Variants in KAZN observed in about 807,000 individuals in gnomAD.
KAZN encodes the protein kazrin, periplakin interacting protein.
Under a neutral mutation model 87.4 loss-of-function variants are expected in KAZN, and 40 were observed. The ratio of observed to expected loss-of-function variants is 0.46; its 90% CI spans 0.36 to 0.60. The LOEUF (loss-of-function observed/expected upper bound fraction) is 0.60, where lower values mean the gene tolerates loss of function less well. Ranked by LOEUF, KAZN falls within the 20% of genes least tolerant of loss-of-function variation. The pLI is 0.00. For missense variants in KAZN, 898 were observed against 1,073.9 expected (o/e 0.84, Z 2.29); for synonymous variants, 466 against 458.3 (o/e 1.02, Z -0.22).
intron 1 of KAZN, among the ~76,000 whole-genome samples, chr1:13,990,638 A>AG (rs1173486041): frequency 6.6e-6 from 1 of 152,218 alleles, no homozygotes; most frequent in Admixed American, 6.5e-5. Context: ...TAAAACTCAT[A>AG]GGATGATACA....
chr1:14,570,380 T>C (rs1251708361), intron 2 of KAZN, among the ~76,000 whole-genome samples: 1 of 152,190 alleles, frequency 6.6e-6, no homozygotes, highest in Non-Finnish European at 1.5e-5. Context: ...CTTGTACCTT[T>C]TTACCCTCCT....
In KAZN at chr1:14,255,146, AG is replaced by A. The variant is rs200160255; in HGVS notation, c.249+74555del. On this transcript the variant is annotated intron_variant, in intron 2 of 16. Transcript: ENST00000636203. ...AAAAAAAAAAAAAAAAAAAAGAAGA[AG>A]AAGAAGAAGAAAGGGGAGAAGAGGA... Among the ~76,000 whole-genome samples, 427 of 150,756 alleles carry A rather than the reference AG, an allele frequency of 2.8e-3. 1 individual carries two copies. Among genetic ancestry groups the A allele is most frequent in the African/African-American group, 9.7e-3 (400 of 41,086 alleles).
intron 1 of KAZN, among the ~76,000 whole-genome samples, chr1:14,108,888 A>G (rs1644437615): frequency 6.6e-6 from 1 of 152,080 alleles, no homozygotes; most frequent in Non-Finnish European, 1.5e-5. Flanking sequence ...GCCAACCCCA[A>G]CATATTTCTA....
chr1:14,499,700 C>T (rs1369248055), intron 2 of KAZN, among the ~76,000 whole-genome samples: 1 of 152,202 alleles, frequency 6.6e-6, no homozygotes, highest in Non-Finnish European at 1.5e-5. Context: ...TGATGAGTTA[C>T]ATTTTTATTT....
At chr1:14,699,226 T>A (rs1032962972) in intron 1 of KAZN, among the ~76,000 whole-genome samples, 2 of 152,230 alleles carry the variant, frequency 1.3e-5, no homozygotes, top group Non-Finnish European at 2.9e-5. Context: ...GTTGATAAAC[T>A]GAAAAGTCAG....
chr1:14,684,097 C>G (rs718996), intron 1 of KAZN, among the ~76,000 whole-genome samples: 75,328 of 151,968 alleles, frequency 0.5, 18,849 homozygotes, highest in South Asian at 0.61. Flanking sequence ...AGGTACCAAG[C>G]TAAGCCCTGG....
intron 2 of KAZN, among the ~76,000 whole-genome samples, chr1:14,286,433 G>C (rs1361654662): frequency 6.6e-6 from 1 of 152,186 alleles, no homozygotes; most frequent in Non-Finnish European, 1.5e-5. Flanking sequence ...GACAAGCCAG[G>C]CAAGAGGTCA....
chr1:14,438,521 C>G (rs1666528767), intron 2 of KAZN, among the ~76,000 whole-genome samples: 2 of 152,142 alleles, frequency 1.3e-5, no homozygotes, highest in Admixed American at 1.3e-4. Context: ...TTCTAGACAT[C>G]AAGACACAGG....
At chr1:14,022,597 G>A (rs1033357780) in intron 1 of KAZN, among the ~76,000 whole-genome samples, 1 of 150,304 alleles carries the variant, frequency 6.7e-6, no homozygotes, top group Non-Finnish European at 1.5e-5. Flanking sequence ...CTATAATATT[G>A]TTTTTGTATT....
chr1:14,713,775 CAAAAA>C (rs58947119), intron 1 of KAZN, among the ~76,000 whole-genome samples: 15 of 94,602 alleles, frequency 1.6e-4, no homozygotes, highest in African/African-American at 4.2e-4. Flanking sequence ...CTCATCTCTA[CAAAAA>C]AAAAAAAAAA....
chr1:14,756,332 C>A (rs572887712), intron 1 of KAZN, among the ~76,000 whole-genome samples: 40 of 152,196 alleles, frequency 2.6e-4, no homozygotes, highest in Non-Finnish European at 5.0e-4. Flanking sequence ...TACTCTGAGA[C>A]AAGCACGCCC....
At chr1:15,018,555 A>G (rs1670353088) in intron 2 of KAZN, among the ~76,000 whole-genome samples, 1 of 151,404 alleles carries the variant, frequency 6.6e-6, no homozygotes. Flanking sequence ...GATCACAAAA[A>G]TTGAAAATAA....
chr1:14,858,229 T>TTTTTTTTTTTTTTTA (rs1352802605), intron 1 of KAZN, among the ~76,000 whole-genome samples: 1 of 146,536 alleles, frequency 6.8e-6, no homozygotes, highest in African/African-American at 2.6e-5. Context: ...TTTTTTTTTT[T>TTTTTTTTTTTTTTTA]TGAGACAAAG....
intron 2 of KAZN, among the ~76,000 whole-genome samples, chr1:14,321,665 A>G (rs771497398): frequency 1.3e-5 from 2 of 152,174 alleles, no homozygotes; most frequent in Non-Finnish European, 1.5e-5. Flanking sequence ...TTCATTTCCT[A>G]TTACCATTGA....
intron 2 of KAZN, among the ~76,000 whole-genome samples, chr1:14,558,885 G>A (rs779869369): frequency 3.9e-4 from 60 of 152,140 alleles, no homozygotes; most frequent in African/African-American, 5.1e-4. Context: ...AAAGGCATCC[G>A]CAGTCTCATG....
At chr1:15,085,363 T>C (rs1640201850) in intron 8 of KAZN, among the ~76,000 whole-genome samples, 1 of 152,250 alleles carries the variant, frequency 6.6e-6, no homozygotes. Flanking sequence ...AGTTTCACTC[T>C]GTCACCCAGG....
intron 1 of KAZN, among the ~76,000 whole-genome samples, chr1:13,998,156 T>C (rs2101132006): frequency 6.6e-6 from 1 of 152,208 alleles, no homozygotes. Flanking sequence ...TAAAATCCTT[T>C]CCAGAGAAAA....
intron 2 of KAZN, among the ~76,000 whole-genome samples, chr1:14,405,766 G>A (rs1189138115): frequency 1.3e-5 from 2 of 152,092 alleles, no homozygotes; most frequent in Non-Finnish European, 1.5e-5. Flanking sequence ...AGCCCATGGT[G>A]TAATTCCAGT....
chr1:14,859,532 T>C (rs570117303), intron 1 of KAZN, among the ~76,000 whole-genome samples: 2 of 152,294 alleles, frequency 1.3e-5, no homozygotes, highest in East Asian at 1.9e-4. Context: ...GGTATAGATC[T>C]CCTTAATCTT....
Sources: allele counts gnomAD v4.1 joint callset (sites outside exome capture counted in the v4.1 genomes callset), GRCh38; gene constraint gnomAD v4.1.1; transcripts MANE v1.5; gene names NCBI Gene and HGNC (gene_info 2026-07-23, HGNC 2026-07-21).